Variants in SDK1 observed in about 807,000 individuals in gnomAD.
SDK1 encodes protein sidekick-1.
Under a neutral mutation model 245.5 loss-of-function variants are expected in SDK1, and 157 were observed. The observed-to-expected ratio is 0.64, with a 90% CI of 0.56 to 0.73. The LOEUF is 0.73. SDK1 is among the 30% of genes least tolerant of loss of function. The probability of loss-of-function intolerance (pLI) is 0.00; values close to 1 mark genes in which losing one functional copy is unlikely to be tolerated. For missense variants in SDK1, 3,583 were observed against 3,002.3 expected (o/e 1.19, Z -4.52); for synonymous variants, 1,647 against 1,278.5 (o/e 1.29, Z -6.15).
chr7:3,682,287 C>T (rs192579884), intron 4 of SDK1, among the ~76,000 whole-genome samples: 77 of 152,310 alleles, frequency 5.1e-4, no homozygotes, highest in Admixed American at 5.0e-3. Context: ...AGCTGACACA[C>T]AAATCTTGTC....
chr7:4,251,032 A>G (rs1215692896), intron 44 of SDK1, among the ~76,000 whole-genome samples: 2 of 152,104 alleles, frequency 1.3e-5, no homozygotes, highest in Admixed American at 6.5e-5. Context: ...CTCATGCAAT[A>G]TGTGGTTTTG....
At chr7:3,721,136 A>G (rs916831135) in intron 4 of SDK1, among the ~76,000 whole-genome samples, 1 of 152,304 alleles carries the variant, frequency 6.6e-6, no homozygotes, top group African/African-American at 2.4e-5. Flanking sequence ...GTGGGGCTTA[A>G]AAAGGGAGCT....
At chr7:3,952,259 T>C (rs1780894298) in intron 7 of SDK1, 1 of 321,086 alleles carries the variant, frequency 3.1e-6, no homozygotes, top group African/African-American at 2.3e-5. Context: ...CTTATTTGGC[T>C]ATCGTGATCG....
At chr7:3,729,344 C>T (rs1178916698) in intron 4 of SDK1, among the ~76,000 whole-genome samples, 1 of 152,190 alleles carries the variant, frequency 6.6e-6, no homozygotes, top group African/African-American at 2.4e-5. Context: ...AGTGCTTGCT[C>T]TAGCGCTGTA....
intron 1 of SDK1, among the ~76,000 whole-genome samples, chr7:3,515,583 T>G (rs958679828): frequency 6.6e-6 from 1 of 152,358 alleles, no homozygotes; most frequent in African/African-American, 2.4e-5. Context: ...GAATGTACTC[T>G]TAAAATAGTA....
chr7:3,767,102 A>G (rs1185149899), intron 4 of SDK1, among the ~76,000 whole-genome samples: 2 of 152,212 alleles, frequency 1.3e-5, no homozygotes, highest in East Asian at 1.9e-4. Context: ...AGCATGGAAT[A>G]GAATGGGCAT....
chr7:4,160,595 G>A (rs1781051271), intron 31 of SDK1, among the ~76,000 whole-genome samples: 1 of 152,190 alleles, frequency 6.6e-6, no homozygotes. Context: ...GGCAAGATAG[G>A]GAGAGTCCTC....
chr7:3,730,824 G>A (rs185918559), intron 4 of SDK1, among the ~76,000 whole-genome samples: 69 of 152,250 alleles, frequency 4.5e-4, no homozygotes, highest in African/African-American at 1.5e-3. Context: ...TTTGGCAGCT[G>A]TGCCTACCAC....
intron 5 of SDK1, among the ~76,000 whole-genome samples, chr7:3,857,682 G>C (rs1377643090): frequency 7.8e-6 from 1 of 128,052 alleles, no homozygotes; most frequent in East Asian, 2.9e-4. Context: ...GTAAGACCCT[G>C]TCTCAAAAAA....
chr7:3,392,793 A>C (rs923159795), intron 1 of SDK1, among the ~76,000 whole-genome samples: 2 of 152,038 alleles, frequency 1.3e-5, no homozygotes, highest in Admixed American at 6.6e-5. Context: ...AACAGAACTT[A>C]ATTCCTTTTT....
At chr7:3,855,671 C>T (rs952190050) in intron 5 of SDK1, among the ~76,000 whole-genome samples, 1 of 152,126 alleles carries the variant, frequency 6.6e-6, no homozygotes, top group Non-Finnish European at 1.5e-5. Flanking sequence ...TACAAAGAAG[C>T]CCTAGGCAAT....
chr7:3,780,984 C>G (rs1780716966), intron 4 of SDK1, among the ~76,000 whole-genome samples: 1 of 152,114 alleles, frequency 6.6e-6, no homozygotes, highest in Non-Finnish European at 1.5e-5. Context: ...CAGGGAGACT[C>G]CCACCTTCAT....
In SDK1 at chr7:3,987,172, CCA is replaced by C. The variant is rs544761419; in HGVS notation, c.1995-13_1995-12del. On this transcript the variant is annotated splice_polypyrimidine_tract_variant and intron_variant, in intron 13 of 44. Transcript: ENST00000404826. ...TGTTTTCCTCTTTTTCCTTTTCATC[CCA>C]TTCAATTCAAGTGAACTGCCTCATT... is the stretch of plus-strand genomic sequence containing the variant. 73 of 1,613,074 alleles carry C rather than the reference CCA, an allele frequency of 4.5e-5. No homozygotes were observed. The highest frequency in any genetic ancestry group is 5.8e-5 in the Non-Finnish European group (69 of 1,179,690).
At chr7:3,404,431 A>G (rs57703209) in intron 1 of SDK1, among the ~76,000 whole-genome samples, 1,644 of 152,294 alleles carry the variant, frequency 0.011, 36 homozygotes, top group African/African-American at 0.038. Flanking sequence ...TGGTTGATAA[A>G]CAAGTTAATT....
At chr7:3,722,765 G>C (rs1372022212) in intron 4 of SDK1, among the ~76,000 whole-genome samples, 1 of 152,186 alleles carries the variant, frequency 6.6e-6, no homozygotes, top group Non-Finnish European at 1.5e-5. Flanking sequence ...GGGTGGCTCA[G>C]CACCGCCCTC....
chr7:3,311,840 C>T (rs115276715), intron 1 of SDK1, among the ~76,000 whole-genome samples: 2,459 of 152,218 alleles, frequency 0.016, 59 homozygotes, highest in African/African-American at 0.05. Context: ...ACAGAAAATT[C>T]AGAGCTAGGG....
intron 4 of SDK1, among the ~76,000 whole-genome samples, chr7:3,742,312 G>C (rs1403586402): frequency 6.6e-6 from 1 of 151,998 alleles, no homozygotes; most frequent in African/African-American, 2.4e-5. Flanking sequence ...TTAAGAAAAA[G>C]ACACAAGATG....
chr7:4,043,390 T>C (rs1313535492), intron 17 of SDK1, among the ~76,000 whole-genome samples: 3 of 141,386 alleles, frequency 2.1e-5, no homozygotes, highest in Admixed American at 7.1e-5. Context: ...AGCCAGGGAC[T>C]CAGGCAGAGT....
intron 1 of SDK1, among the ~76,000 whole-genome samples, chr7:3,615,670 C>T (rs1211921105): frequency 6.6e-6 from 1 of 151,600 alleles, no homozygotes; most frequent in African/African-American, 2.4e-5. Context: ...AAGAATCCTT[C>T]TTGACATCTC....
Sources: gnomAD v4.1 joint callset for allele counts (sites outside exome capture counted in the v4.1 genomes callset) on GRCh38, gnomAD v4.1.1 for gene constraint, MANE v1.5 for transcripts, NCBI Gene and HGNC (gene_info 2026-07-23, HGNC 2026-07-21) for gene names.